The following SLC9A7 variants were observed in gnomAD, a reference collection of about 807,000 sequenced individuals.
The protein encoded by SLC9A7 is sodium/hydrogen exchanger 7.
SLC9A7 carries 19 observed loss-of-function variants against 52.6 expected under a neutral mutation model. The ratio of observed to expected loss-of-function variants is 0.36; its 90% confidence interval spans 0.25 to 0.53. The LOEUF is 0.53. SLC9A7 is among the 20% of genes least tolerant of loss of function. The pLI, the probability that SLC9A7 is intolerant of heterozygous loss-of-function variation, is 0.91. For missense variants in SLC9A7, 455 were observed against 597.9 expected (o/e 0.76, Z 2.49); for synonymous variants, 226 against 252.1 (o/e 0.90, Z 0.98).
intron 3 of SLC9A7, 145 bp downstream of exon 3, chrX:46,679,533 T>C: frequency 7.0e-6 from 3 of 427,040 alleles, no homozygotes; most frequent in Middle Eastern, 3.7e-4. Context: ...AAATGAATCA[T>C]TGATGAGAAG....
At position 46,758,670 on chromosome X, in the gene SLC9A7, G is replaced by A. The variant is rs372909670; in HGVS notation, c.325+35C>T. 81 of 1,021,773 alleles carry A rather than the reference G, an allele frequency of 7.9e-5. No homozygotes were observed. In the South Asian group the frequency reaches 2.0e-3, roughly 25 times the overall value. The allele number at this position is 1,021,773 out of a possible 1,213,427, so 84.2% of individuals were successfully genotyped here. A position where few individuals can be genotyped will look rare whatever the true frequency, so the allele number is the denominator to read the frequency against. ...CCAGGAGGAGCGCGGCGGCCGAGGG[G>A]TGTGGAGGGCGGGGGGTGTAACAGG... On this transcript the variant is annotated intron_variant, in intron 1 of 16. Transcript: ENST00000616978.
At chrX:46,652,614 A>C (rs1943601675) in intron 8 of SLC9A7, among the ~76,000 whole-genome samples, 1 of 112,369 alleles carries the variant, frequency 8.9e-6, no homozygotes, top group African/African-American at 3.2e-5. Context: ...ATAACTGTTA[A>C]ATTTTAAGGA....
At chrX:46,675,843 A>G (rs964971657) in intron 3 of SLC9A7, among the ~76,000 whole-genome samples, 2 of 111,747 alleles carry the variant, frequency 1.8e-5, no homozygotes, top group Admixed American at 1.9e-4. Flanking sequence ...ATTACATCAC[A>G]TCCCTTTTGT....
intron 1 of SLC9A7, among the ~76,000 whole-genome samples, chrX:46,733,616 T>C (rs1469471410): frequency 9.0e-6 from 1 of 111,407 alleles, no homozygotes; most frequent in East Asian, 2.8e-4. Flanking sequence ...TGGAGGGATG[T>C]GGTAATGGAG....
intron 1 of SLC9A7, among the ~76,000 whole-genome samples, chrX:46,704,181 C>T (rs973109260): frequency 9.0e-6 from 1 of 110,914 alleles, no homozygotes; most frequent in African/African-American, 3.3e-5. Context: ...ACAAAGTCAA[C>T]CACTCTTTTC....
At chrX:46,668,937 G>A (rs1015202125) in intron 5 of SLC9A7, among the ~76,000 whole-genome samples, 2 of 111,352 alleles carry the variant, frequency 1.8e-5, no homozygotes, top group Non-Finnish European at 3.8e-5. Flanking sequence ...GGAGGCCAAG[G>A]CGGGTGGATC....
intron 7 of SLC9A7, among the ~76,000 whole-genome samples, chrX:46,657,482 C>A (rs1194044736): frequency 1.8e-5 from 2 of 110,446 alleles, no homozygotes; most frequent in Non-Finnish European, 3.8e-5. Context: ...AAACCCAACT[C>A]ACGTGCAGAG....
At chrX:46,624,100 C>A (rs1181836314) in intron 14 of SLC9A7, among the ~76,000 whole-genome samples, 1 of 112,699 alleles carries the variant, frequency 8.9e-6, no homozygotes, top group East Asian at 2.8e-4. Flanking sequence ...TACTCCCATC[C>A]CCATCCTTTG....
intron 1 of SLC9A7, among the ~76,000 whole-genome samples, chrX:46,733,536 A>G (rs2146984029): frequency 8.9e-6 from 1 of 112,161 alleles, no homozygotes; most frequent in African/African-American, 3.2e-5. Context: ...GAATTAAACA[A>G]TAATTACAAT....
rs1922932677 is a variant in SLC9A7 at position 46,759,088 on chromosome X, G to A, written c.-59C>T. On this transcript the variant is annotated 5_prime_UTR_variant, in exon 1 of 17. Transcript: ENST00000616978. ...GGACCAGCAGCCCGCGCCGTCGGCG[G>A]GTTCTGGCAGCACCGCGGACCTGCC... 9 of 771,392 alleles carry A rather than the reference G, an allele frequency of 1.2e-5. No individual in the cohort carries two copies. The Middle Eastern group carries it at 1.7e-3, about 148-fold the overall frequency. 63.6% of individuals were successfully genotyped at this position (771,392 alleles called of 1,213,427 possible).
chrX:46,635,671 G>A lies in SLC9A7; in HGVS notation c.1617-23C>T, dbSNP rs1388295045. The A allele has an allele frequency of 2.6e-5, 31 of 1,174,722 alleles. No individual in the cohort carries two copies. In the Admixed American group the frequency reaches 2.9e-4, roughly 11 times the overall value. On this transcript the variant is annotated intron_variant, in intron 12 of 16. Coordinates refer to ENST00000616978, the MANE Select transcript of SLC9A7 (RefSeq NM_001257291.2). ...ACTCTGGGCAGCAGAAGAAGGGAAC[G>A]TGAGTGTGACAGGGACAACAGGAGA...
chrX:46,758,694 G>A lies in SLC9A7; in HGVS notation c.325+11C>T, dbSNP rs782812760. 2 of 1,126,610 alleles carry A rather than the reference G, an allele frequency of 1.8e-6. No homozygotes were observed. Among genetic ancestry groups the A allele is most frequent in the South Asian group, 4.5e-5 (2 of 44,673 alleles). 92.8% of individuals were successfully genotyped at this position (1,126,610 alleles called of 1,213,427 possible). ...GGTGTGGAGGGCGGGGGGTGTAACAGGGGTGCTCACCATAGATCATGGCCA... is the reference window on the plus strand; with the variant it reads ...GGTGTGGAGGGCGGGGGGTGTAACAAGGGTGCTCACCATAGATCATGGCCA... On this transcript the variant is annotated intron_variant, in intron 1 of 16. Coordinates refer to ENST00000616978, the MANE Select transcript of SLC9A7 (RefSeq NM_001257291.2).
chrX:46,670,102 TC>T (rs1943994887), intron 4 of SLC9A7, among the ~76,000 whole-genome samples: 1 of 111,538 alleles, frequency 9.0e-6, no homozygotes, highest in South Asian at 3.8e-4. Context: ...CTCATAAGAC[TC>T]TAAGATAATG....
In SLC9A7 at chrX:46,631,621, G is replaced by A. The variant is rs1569504633; in HGVS notation, c.1705C>T (p.Pro569Ser). 4.1e-6 allele frequency: 5 copies of A among 1,210,062 alleles called. No homozygotes were observed. Among genetic ancestry groups the A allele is most frequent in the East Asian group, 5.9e-5 (2 of 33,831 alleles). ...RVGVDPDQDP[P>S]PNNDSFQVLQ... ...ACTTGAAAGCTGTCGTTGTTGGGTGGTGGGTCTTGATCGGGGTCAACACCA... is the reference window on the plus strand; with the variant it reads ...ACTTGAAAGCTGTCGTTGTTGGGTGATGGGTCTTGATCGGGGTCAACACCA... The change falls in exon 14 of 17, where the codon CCA (proline) becomes TCA (serine). Residue 569 changes from proline to serine, a missense_variant. Pro to Ser is a moderately conservative substitution (Grantham distance 74). Around this residue, in one of 3 missense-constraint regions of SLC9A7, gnomAD observed 146 missense variants for 160.5 expected, o/e 0.91. Coordinates refer to ENST00000616978, the MANE Select transcript of SLC9A7 (RefSeq NM_001257291.2).
At chrX:46,655,128 G>A (rs1281791925) in intron 7 of SLC9A7, among the ~76,000 whole-genome samples, 2 of 108,716 alleles carry the variant, frequency 1.8e-5, no homozygotes, top group Non-Finnish European at 3.8e-5. Context: ...GGGATTACAG[G>A]TGCACACCAC....
At chrX:46,614,400 ATGGT>A (rs772238804) in intron 15 of SLC9A7, among the ~76,000 whole-genome samples, 1 of 111,646 alleles carries the variant, frequency 9.0e-6, no homozygotes, top group Non-Finnish European at 1.9e-5. Context: ...GAAAAACAGG[ATGGT>A]TGTATGGGTA....
In SLC9A7 at chrX:46,749,948, G is replaced by C. The variant is rs180774577; in HGVS notation, c.325+8757C>G. ...GTACAAAAATTAGCCAGGCGTGGTGGAGCATGCCTGTAATCCCAGCTAGTC... is the reference window on the plus strand; with the variant it reads ...GTACAAAAATTAGCCAGGCGTGGTGCAGCATGCCTGTAATCCCAGCTAGTC... On this transcript the variant is annotated intron_variant, in intron 1 of 16. Coordinates refer to ENST00000616978, the MANE Select transcript of SLC9A7 (RefSeq NM_001257291.2). 2.1e-4 allele frequency among the ~76,000 whole-genome samples: 23 copies of C among 110,281 alleles called. 1 individual carries two copies. The highest frequency in any genetic ancestry group is 6.9e-4 in the African/African-American group (21 of 30,257).
intron 12 of SLC9A7, among the ~76,000 whole-genome samples, chrX:46,636,743 G>A (rs1156678795): frequency 9.0e-6 from 1 of 111,513 alleles, no homozygotes; most frequent in Admixed American, 9.5e-5. Context: ...AATTTCACTG[G>A]GGGAGGTAAC....
intron 11 of SLC9A7, among the ~76,000 whole-genome samples, chrX:46,644,636 CA>C (rs146198116): frequency 0.31 from 20,459 of 66,073 alleles, 2,110 homozygotes; most frequent in Middle Eastern, 0.47. Flanking sequence ...GGCTGTGTCT[CA>C]AAAAAAAAAA....
Sources: gnomAD v4.1 joint callset for allele counts (sites outside exome capture counted in the v4.1 genomes callset) on GRCh38, gnomAD v4.1.1 for gene constraint, gnomAD v4.1.1 regional missense constraint, MANE v1.5 for transcripts, NCBI Gene and HGNC (gene_info 2026-07-23, HGNC 2026-07-21) for gene names.